The following TMEM67 variants were observed in gnomAD, a reference collection of about 807,000 sequenced individuals.
The protein encoded by TMEM67 is meckelin.
TMEM67 carries 124 observed loss-of-function variants against 136.6 expected under a neutral mutation model. That is an observed-to-expected ratio of 0.91 (90% confidence interval 0.78 to 1.05). The LOEUF is 1.05. TMEM67 is among the 50% of genes least tolerant of loss of function. The pLI is 0.00. For synonymous variants in TMEM67, 364 were observed against 390.5 expected (o/e 0.93, Z 0.80); for missense variants, 1,107 against 1,178.4 (o/e 0.94, Z 0.89).
At chr8:93,795,530 C>A in intron 17 of TMEM67, 23 bp downstream of exon 17, 1 of 1,551,544 alleles carries the variant, frequency 6.4e-7, no homozygotes, top group Non-Finnish European at 8.9e-7. Context: ...CTGAATTTTC[C>A]CCAACTGCCA....
intron 2 of TMEM67, 96 bp downstream of exon 2, chr8:93,755,962 C>A: frequency 4.1e-6 from 3 of 739,232 alleles, no homozygotes; most frequent in Non-Finnish European, 6.6e-6. Flanking sequence ...AATGTTTCCC[C>A]ACAGACTTTA....
At chr8:93,812,777 C>T (rs1230328691) in intron 26 of TMEM67, among the ~76,000 whole-genome samples, 1 of 152,226 alleles carries the variant, frequency 6.6e-6, no homozygotes, top group Non-Finnish European at 1.5e-5. Flanking sequence ...ACTCTTGTTG[C>T]CCAGGCTGGA....
chr8:93,794,893 A>C (rs1814537541), intron 16 of TMEM67: 1 of 160,346 alleles, frequency 6.2e-6, no homozygotes, highest in Non-Finnish European at 1.4e-5. Context: ...ATTTTATTCC[A>C]GAAAGTATTT....
chr8:93,809,963 C>G (rs879067564), intron 26 of TMEM67, 76 bp downstream of exon 26: 1 of 745,610 alleles, frequency 1.3e-6, no homozygotes, highest in African/African-American at 1.8e-5. Flanking sequence ...AGATATTTTT[C>G]TTTTTTTCTT....
rs566904134 is a variant in TMEM67 at position 93,773,813 on chromosome 8, G to A, written c.714+1162G>A. ...ACAAATTATTGTTCTTTCAAAAATA[G>A]TCTAGTAGGTTTTTTAATGTCATGC... is the stretch of plus-strand genomic sequence containing the variant. On this transcript the variant is annotated intron_variant, in intron 7 of 27. Transcript: ENST00000453321. Among the ~76,000 whole-genome samples the A allele has an allele frequency of 7.2e-5, 11 of 152,160 alleles. No homozygotes were observed. The South Asian group carries it at 2.1e-3, about 29-fold the overall frequency.
intron 7 of TMEM67, among the ~76,000 whole-genome samples, chr8:93,775,652 C>G (rs1230894837): frequency 1.3e-5 from 2 of 152,150 alleles, no homozygotes; most frequent in Non-Finnish European, 2.9e-5. Flanking sequence ...TGTCAAGGAT[C>G]AGATGGTTGT....
At chr8:93,766,147 G>A (rs1458180898) in intron 6 of TMEM67, among the ~76,000 whole-genome samples, 1 of 151,814 alleles carries the variant, frequency 6.6e-6, no homozygotes, top group Non-Finnish European at 1.5e-5. Context: ...TGTTTGAGAT[G>A]GAGTCTCGCT....
At chr8:93,786,083 A>G (rs1209199161) in intron 12 of TMEM67, 140 bp from the exon 13 acceptor site, 2 of 774,576 alleles carry the variant, frequency 2.6e-6, no homozygotes, top group Non-Finnish European at 4.2e-6. Context: ...AAAAAAAACA[A>G]AAGAAGACAT....
In TMEM67 at chr8:93,763,724, G is replaced by T. The variant is rs112546777; in HGVS notation, c.407-118G>T. ...GTTATGCCTTTAATGCAAATAAAGT[G>T]TTTTGAGAATTAATAGAATAATAGT... On this transcript the variant is annotated intron_variant, in intron 3 of 27. Transcript: ENST00000453321. 3.1e-4 allele frequency: 221 copies of T among 717,500 alleles called. No individual in the cohort carries two copies. The South Asian group carries it at 3.4e-3, about 11-fold the overall frequency. The allele number at this position is 717,500 out of a possible 1,614,324, so 44.4% of individuals were successfully genotyped here. A position where few individuals can be genotyped will look rare whatever the true frequency, so the allele number is the denominator to read the frequency against.
chr8:93,815,537 G>A (rs1586101946), intron 27 of TMEM67, 90 bp downstream of exon 27: 7 of 1,214,536 alleles, frequency 5.8e-6, no homozygotes, highest in Non-Finnish European at 7.1e-6. Flanking sequence ...GAGTAACAAT[G>A]TCTACTTTTA....
At chr8:93,799,824 C>A in intron 21 of TMEM67, 66 bp downstream of exon 21, 1 of 1,319,680 alleles carries the variant, frequency 7.6e-7, no homozygotes, top group Non-Finnish European at 1.1e-6. Context: ...TGCCTAATTA[C>A]TGATTATCAT....
At chr8:93,800,651 C>T (rs1022387750) in intron 21 of TMEM67, among the ~76,000 whole-genome samples, 1 of 152,112 alleles carries the variant, frequency 6.6e-6, no homozygotes, top group African/African-American at 2.4e-5. Context: ...TGCCTGAAGT[C>T]ATGTGACTAG....
In TMEM67 at chr8:93,785,633, C is replaced by T. The variant is rs868428063; in HGVS notation, c.1288+255C>T. 2.6e-5 allele frequency: 9 copies of T among 352,694 alleles called. No homozygotes were observed. The South Asian group carries it at 4.8e-4, about 19-fold the overall frequency. 21.8% of individuals were successfully genotyped at this position (352,694 alleles called of 1,614,324 possible). On this transcript the variant is annotated intron_variant, in intron 12 of 27. Transcript: ENST00000453321. Reference sequence around the variant, plus strand: ...ATATCCTGAGAAACATTAGTAGAACCGTAAATTGGGGCTTTTTCGTCAAGC... The same window carrying T: ...ATATCCTGAGAAACATTAGTAGAACTGTAAATTGGGGCTTTTTCGTCAAGC...
intron 26 of TMEM67, among the ~76,000 whole-genome samples, chr8:93,810,347 G>A (rs983212534): frequency 2.0e-5 from 3 of 151,546 alleles, no homozygotes; most frequent in East Asian, 2.0e-4. Context: ...TTGGGAGGCC[G>A]AGGCAGGTGG....
chr8:93,820,400 T>G (rs149832472), downstream of TMEM67, among the ~76,000 whole-genome samples: 76 of 152,258 alleles, frequency 5.0e-4, no homozygotes, highest in African/African-American at 1.8e-3. Context: ...ATCACGTGCA[T>G]GGAGTGTTTA....
the TMEM67 span, among the ~76,000 whole-genome samples, chr8:93,826,860 G>A: frequency 1.3e-5 from 2 of 151,872 alleles, no homozygotes; most frequent in East Asian, 1.9e-4. Context: ...ATAGAGTCTC[G>A]CTTTTGTCGC....
intron 7 of TMEM67, among the ~76,000 whole-genome samples, 177 bp downstream of exon 7, chr8:93,772,828 G>T (rs970314121): frequency 6.6e-6 from 1 of 152,134 alleles, no homozygotes; most frequent in African/African-American, 2.4e-5. Context: ...ATGTTATTTA[G>T]TATACACAAA....
chr8:93,828,309 C>T, the TMEM67 span, among the ~76,000 whole-genome samples: 1 of 152,086 alleles, frequency 6.6e-6, no homozygotes, highest in Non-Finnish European at 1.5e-5. Context: ...GAAGACACCA[C>T]CACCATCACC....
intron 6 of TMEM67, among the ~76,000 whole-genome samples, chr8:93,766,181 T>G (rs1441038649): frequency 6.6e-6 from 1 of 152,136 alleles, no homozygotes; most frequent in East Asian, 1.9e-4. Context: ...TGGAGTGCTG[T>G]GGTGCAGTCT....
Sources: gnomAD v4.1 joint callset for allele counts (sites outside exome capture counted in the v4.1 genomes callset) on GRCh38, gnomAD v4.1.1 for gene constraint, MANE v1.5 for transcripts, NCBI Gene and HGNC (gene_info 2026-07-23, HGNC 2026-07-21) for gene names.